The following CD1A variants were observed in gnomAD, a reference collection of about 807,000 sequenced individuals.
CD1A encodes the protein CD1a molecule.
In CD1A, 50 loss-of-function variants were observed where a neutral mutation model predicts 38.3. The observed-to-expected ratio is 1.30, with a 90% confidence interval of 1.04 to 1.65. CD1A has a LOEUF of 1.65. Ranked by LOEUF, CD1A falls within the 40% of genes most tolerant of loss-of-function variation. The pLI is 0.00. For missense variants in CD1A, 459 were observed against 406.1 expected, an observed-to-expected ratio of 1.13 and a Z score of -1.12; for synonymous variants, 160 against 150.8, an observed-to-expected ratio of 1.06 and a Z score of -0.45.
upstream of CD1A, among the ~76,000 whole-genome samples, chr1:158,252,619 A>G (rs1476200879): frequency 1.3e-5 from 2 of 152,152 alleles, no homozygotes; most frequent in Admixed American, 6.5e-5. Context: ...AGCTTTTTGC[A>G]TGCTAATCTT....
At chr1:158,256,317 T>A (rs762560683) in intron 3 of CD1A, 35 bp downstream of exon 3, 1 of 1,585,572 alleles carries the variant, frequency 6.3e-7, no homozygotes, top group Admixed American at 1.7e-5. Context: ...GAAGTTTTGA[T>A]TTGAAAATCA....
chr1:158,248,390 T>A, the CD1A span: 1 of 985,206 alleles, frequency 1.0e-6, no homozygotes, highest in Admixed American at 6.2e-5. Flanking sequence ...AGGAGCCATG[T>A]TTGCGTTTGG....
At chr1:158,251,072 G>A (rs1471694047), upstream of CD1A, among the ~76,000 whole-genome samples, 1 of 152,142 alleles carries the variant, frequency 6.6e-6, no homozygotes, top group East Asian at 1.9e-4. Flanking sequence ...ATAAACAGTT[G>A]ATGAACATAT....
rs1650276933 is a variant in CD1A at position 158,256,945 on chromosome 1, G to A, written c.764G>A (p.Ser255Asn). The A allele has an allele frequency of 6.2e-7, 1 of 1,614,202 alleles. No homozygotes were observed. Among genetic ancestry groups the A allele is most frequent in the Non-Finnish European group, 8.5e-7 (1 of 1,180,042 alleles). ...QGTQRGDILP[S>N]ADGTWYLRAT... is the part of the protein sequence containing the mutation. ...ACTCAGCGAGGGGACATCTTGCCCA[G>A]TGCTGATGGGACATGGTATCTCCGC... The change falls in exon 4 of 6, where the codon AGT (serine) becomes AAT (asparagine). Residue 255 changes from serine to asparagine, a missense_variant. Transcript: ENST00000289429.
upstream of CD1A, among the ~76,000 whole-genome samples, chr1:158,250,935 C>T (rs1177006683): frequency 6.6e-6 from 1 of 152,130 alleles, no homozygotes; most frequent in African/African-American, 2.4e-5. Context: ...GTACAGCTGA[C>T]CCTTGAATAA....
intron 3 of CD1A, among the ~76,000 whole-genome samples, chr1:158,256,544 C>T (rs951408917): frequency 5.3e-5 from 8 of 152,084 alleles, no homozygotes; most frequent in African/African-American, 1.9e-4. Flanking sequence ...GTGGTACACA[C>T]CTGTAGTCCC....
rs1220258568 is a variant in CD1A, at chr1:158,257,715, C to A, written c.*25C>A. 5.6e-6 allele frequency: 9 copies of A among 1,612,536 alleles called. No homozygotes were observed. The highest frequency in any genetic ancestry group is 7.6e-6 in the Non-Finnish European group (9 of 1,178,670). ...AGACACACCATGAGCCTCCTCGTCACCCTTCTCCTTTTGGGGTGAGAGACC... is the reference window on the plus strand; with the variant it reads ...AGACACACCATGAGCCTCCTCGTCAACCTTCTCCTTTTGGGGTGAGAGACC... On this transcript the variant is annotated 3_prime_UTR_variant, in exon 6 of 6. Coordinates refer to ENST00000289429, the MANE Select transcript of CD1A (RefSeq NM_001763.3).
chr1:158,251,216 A>G (rs146092270), upstream of CD1A, among the ~76,000 whole-genome samples: 68 of 152,372 alleles, frequency 4.5e-4, no homozygotes, highest in Middle Eastern at 3.4e-3. Flanking sequence ...GTTCGTCTTC[A>G]TTGTCTTCAT....
At chr1:158,257,617 C>G in intron 5 of CD1A, 64 bp from the exon 6 acceptor site, 1 of 1,590,756 alleles carries the variant, frequency 6.3e-7, no homozygotes, top group Non-Finnish European at 8.6e-7. Flanking sequence ...GTCCCCTTCC[C>G]TCTTGCTCCT....
chr1:158,257,567 C>G, intron 5 of CD1A, 56 bp downstream of exon 5: 1 of 1,578,718 alleles, frequency 6.3e-7, no homozygotes, highest in Non-Finnish European at 8.7e-7. Context: ...CTTTTCTTCC[C>G]ATGTTTTTTG....
intron 5 of CD1A, 70 bp downstream of exon 5, chr1:158,257,581 T>C: frequency 2.5e-6 from 4 of 1,576,844 alleles, no homozygotes; most frequent in Non-Finnish European, 3.5e-6. Flanking sequence ...TTTTTTGTTT[T>C]TCTCTCCTCA....
chr1:158,258,213 G>A lies in CD1A; in HGVS notation c.*523G>A, dbSNP rs1458985087. The A allele has an allele frequency of 6.5e-6, 1 of 153,438 alleles. No individual in the cohort carries two copies. The highest frequency in any genetic ancestry group is 1.9e-4 in the East Asian group (1 of 5,206). 9.5% of individuals were successfully genotyped at this position (153,438 alleles called of 1,614,324 possible). A position where few individuals can be genotyped will look rare whatever the true frequency, so the allele number is the denominator to read the frequency against. On this transcript the variant is annotated 3_prime_UTR_variant, in exon 6 of 6. Coordinates refer to ENST00000289429, the MANE Select transcript of CD1A (RefSeq NM_001763.3). ...TTTAATATATGCATCCCTGGTGAAGGATCTTGCCTGCATGAAACATGTTCT... is the reference window on the plus strand; with the variant it reads ...TTTAATATATGCATCCCTGGTGAAGAATCTTGCCTGCATGAAACATGTTCT...
Position 158,257,674 on chromosome 1 carries a change from C to T in CD1A, c.975-7C>T, listed in dbSNP as rs1252877996. On this transcript the variant is annotated splice_region_variant and splice_polypyrimidine_tract_variant and intron_variant, in intron 5 of 5. Coordinates refer to ENST00000289429, the MANE Select transcript of CD1A (RefSeq NM_001763.3). ...TCAGAGTGACTTCTATCTCTGTTCT[C>T]ATCCAGTTTCTGTTAAGACACACCA... The T allele has an allele frequency of 6.2e-7, 1 of 1,613,930 alleles. No homozygotes were observed. Among genetic ancestry groups the T allele is most frequent in the Non-Finnish European group, 8.5e-7 (1 of 1,179,814 alleles).
chr1:158,251,206 G>A (rs1650078058), upstream of CD1A, among the ~76,000 whole-genome samples: 1 of 152,218 alleles, frequency 6.6e-6, no homozygotes, highest in South Asian at 2.1e-4. Context: ...ATCATCACAT[G>A]TTCGTCTTCA....
chr1:158,256,282 G>C lies in CD1A; in HGVS notation c.604G>C (p.Val202Leu), dbSNP rs376546360. Residue 202 changes from valine (V) to leucine (L), a missense_variant and splice_region_variant, in exon 3 of 6, where the codon GTG becomes CTG. Transcript: ENST00000289429. ...AGGAAAGGCACATCTCCAGCGGCAA[G>C]GTCAGTCCTGCACTCTCCCTCCAAG... ...DAGKAHLQRQ[V>L]KPEAWLSHGP... 3 of 1,612,676 alleles carry C rather than the reference G, an allele frequency of 1.9e-6. No homozygotes were observed. Among genetic ancestry groups the C allele is most frequent in the Non-Finnish European group, 2.5e-6 (3 of 1,179,696 alleles).
Position 158,255,098 on chromosome 1 carries a change from C to G in CD1A, c.73C>G (p.Leu25Val). Residue 25 changes from leucine to valine, a missense_variant, in exon 2 of 6, where the codon CTC becomes GTC. By Grantham distance (32) the Leu-to-Val change is conservative (BLOSUM62 1). Coordinates refer to ENST00000289429, the MANE Select transcript of CD1A (RefSeq NM_001763.3). ...TTTTGTCGCAGGGCTCAAGGAGCCT[C>G]TCTCCTTCCATGTCACCTGGATCGC... Reference protein sequence around the residue: ...DGNADGLKEPLSFHVTWIASF... With the variant: ...DGNADGLKEPVSFHVTWIASF... 1 of 1,613,970 alleles carries G rather than the reference C, an allele frequency of 6.2e-7. No individual in the cohort carries two copies. The highest frequency in any genetic ancestry group is 1.6e-4 in the Middle Eastern group (1 of 6,062).
Position 158,254,449 on chromosome 1 carries a change from G to A in CD1A, c.-221G>A, listed in dbSNP as rs1650172398. On this transcript the variant is annotated 5_prime_UTR_variant, in exon 1 of 6. Transcript: ENST00000289429. The stretch of plus-strand genomic sequence containing the variant: ...AAGTTGGAGGTTGGTGACAAGGAGA[G>A]AAGCTGGAACAGAGAGGAGAGTCAG... 2 of 1,382,084 alleles carry A rather than the reference G, an allele frequency of 1.4e-6. No individual in the cohort carries two copies. The highest frequency in any genetic ancestry group is 2.9e-5 in the African/African-American group (2 of 68,224). The allele number at this position is 1,382,084 out of a possible 1,614,324, so 85.6% of individuals were successfully genotyped here. A position where few individuals can be genotyped will look rare whatever the true frequency, so the allele number is the denominator to read the frequency against.
chr1:158,256,804 TGTCCC>T lies in CD1A; in HGVS notation c.624_628del (p.Ser209TrpfsTer31), dbSNP rs1571120529. On this transcript the variant is annotated frameshift_variant, in exon 4 of 6. Transcript: ENST00000289429. LOFTEE classifies it high-confidence loss of function. ...TTTGCAGTGAAGCCCGAGGCCTGGCTGTCCCATGGCCCCAGTCCTGGCCCTGGCCA... is the reference window on the plus strand; with the variant it reads ...TTTGCAGTGAAGCCCGAGGCCTGGCTATGGCCCCAGTCCTGGCCCTGGCCA... 4 of 1,614,152 alleles carry T rather than the reference TGTCCC, an allele frequency of 2.5e-6. No homozygotes were observed. The East Asian group carries it at 8.9e-5, about 36-fold the overall frequency.
rs1650204295 is a variant in CD1A, at chr1:158,255,113, A to T, written c.88A>T (p.Thr30Ser). 9 of 1,613,758 alleles carry T rather than the reference A, an allele frequency of 5.6e-6. No homozygotes were observed. Among genetic ancestry groups the T allele is most frequent in the Non-Finnish European group, 7.6e-6 (9 of 1,179,980 alleles). ...GLKEPLSFHVTWIASFYNHSW... is the reference protein window; with the variant it reads ...GLKEPLSFHVSWIASFYNHSW... ...CAAGGAGCCTCTCTCCTTCCATGTC[A>T]CCTGGATCGCATCCTTTTACAACCA... The change falls in exon 2 of 6, where the codon ACC becomes TCC. Residue 30 changes from threonine to serine, a missense_variant. Transcript: ENST00000289429.
Sources: allele counts gnomAD v4.1 joint callset (sites outside exome capture counted in the v4.1 genomes callset), GRCh38; gene constraint gnomAD v4.1.1; transcripts MANE v1.5; gene names NCBI Gene and HGNC (gene_info 2026-07-23, HGNC 2026-07-21).